Variants in MARK2 observed in about 807,000 individuals in gnomAD.
MARK2 encodes the protein serine/threonine-protein kinase MARK2.
MARK2 carries 16 observed loss-of-function variants against 89.8 expected under a neutral mutation model. The observed-to-expected ratio is 0.18, with a 90% confidence interval of 0.12 to 0.27. The LOEUF is 0.27. Among genes scored for constraint, MARK2 ranks in the 10% least tolerant of loss-of-function variants. The probability of loss-of-function intolerance (pLI) is 1.00; values close to 1 mark genes in which losing one functional copy is unlikely to be tolerated. For synonymous variants in MARK2, 382 were observed against 399.5 expected (o/e 0.96, Z 0.52); for missense variants, 621 against 1,049.9 (o/e 0.59, Z 5.65).
intron 1 of MARK2, among the ~76,000 whole-genome samples, chr11:63,865,143 C>T (rs535483663): frequency 2.0e-5 from 3 of 152,164 alleles, no homozygotes; most frequent in Non-Finnish European, 2.9e-5. Context: ...TACCTGCCTT[C>T]GCCTCCCAGA....
chr11:63,866,317 ACT>A (rs1255306820), intron 1 of MARK2, among the ~76,000 whole-genome samples: 1 of 147,716 alleles, frequency 6.8e-6, no homozygotes, highest in Non-Finnish European at 1.5e-5. Context: ...GTGCCACTTT[ACT>A]CCAGCCTGGG....
intron 1 of MARK2, among the ~76,000 whole-genome samples, chr11:63,861,924 C>T (rs11231622): frequency 0.6 from 58,355 of 97,308 alleles, 18,485 homozygotes; most frequent in East Asian, 0.92. Context: ...TTCTTTCTTT[C>T]TTTTTTTTTT....
At chr11:63,854,828 A>AGT (rs1565099208) in intron 1 of MARK2, among the ~76,000 whole-genome samples, 1 of 148,354 alleles carries the variant, frequency 6.7e-6, no homozygotes, top group Admixed American at 6.8e-5. Context: ...AAAAAAAAAA[A>AGT]AAAGGGTATT....
At chr11:63,845,184 G>A (rs1263598856) in intron 1 of MARK2, among the ~76,000 whole-genome samples, 1 of 152,162 alleles carries the variant, frequency 6.6e-6, no homozygotes, top group African/African-American at 2.4e-5. Flanking sequence ...ACCAGGACAA[G>A]CCCCTATTCC....
intron 18 of MARK2, among the ~76,000 whole-genome samples, 155 bp downstream of exon 18, chr11:63,908,459 T>C (rs1941525105): frequency 6.6e-6 from 1 of 152,138 alleles, no homozygotes; most frequent in Non-Finnish European, 1.5e-5. Context: ...AGTTTCCCCT[T>C]CCCAAACCCA....
chr11:63,863,918 C>T (rs1033562763), intron 1 of MARK2, among the ~76,000 whole-genome samples: 9 of 152,040 alleles, frequency 5.9e-5, no homozygotes, highest in African/African-American at 1.7e-4. Context: ...CTAATAGGCA[C>T]GTCCCACTAC....
At chr11:63,880,551 A>G (rs1590616790) in intron 1 of MARK2, among the ~76,000 whole-genome samples, 1 of 152,230 alleles carries the variant, frequency 6.6e-6, no homozygotes, top group East Asian at 1.9e-4. Flanking sequence ...TCATTGTCAC[A>G]GCAAGACACA....
At chr11:63,890,622 C>A (rs534780580) in intron 1 of MARK2, among the ~76,000 whole-genome samples, 2 of 152,312 alleles carry the variant, frequency 1.3e-5, no homozygotes, top group Admixed American at 6.5e-5. Context: ...CAACCTGGCC[C>A]CTTCTGCGGA....
At chr11:63,870,575 C>G (rs1032745305) in intron 1 of MARK2, among the ~76,000 whole-genome samples, 13 of 152,080 alleles carry the variant, frequency 8.5e-5, no homozygotes, top group African/African-American at 3.1e-4. Flanking sequence ...TGGCTGGGCA[C>G]TGAAGACACG....
intron 1 of MARK2, among the ~76,000 whole-genome samples, chr11:63,873,889 C>T (rs987661343): frequency 3.3e-5 from 5 of 152,214 alleles, no homozygotes; most frequent in East Asian, 1.9e-4. Context: ...TCAGGTGATC[C>T]GCCTGCCTCG....
In MARK2 at chr11:63,908,878, C is replaced by T; in HGVS notation, c.2008C>T (p.Pro670Ser). Residue 670 changes from proline to serine, a missense_variant and splice_region_variant, in exon 19 of 19, where the codon CCT becomes TCT. Transcript: ENST00000402010. ...ESKDRVETLR[P>S]HVVGSGGNDK... ...CGCCCGCCTCTGCCCTCTCCACAGA[C>T]CTCACGTGGTGGGCAGTGGCGGCAA... 1 of 1,505,310 alleles carries T rather than the reference C, an allele frequency of 6.6e-7. No homozygotes were observed. The highest frequency in any genetic ancestry group is 1.3e-5 in the South Asian group (1 of 74,736). The allele number at this position is 1,505,310 out of a possible 1,614,324, so 93.2% of individuals were successfully genotyped here.
At chr11:63,893,536 T>C (rs1412227545) in intron 1 of MARK2, among the ~76,000 whole-genome samples, 2 of 152,000 alleles carry the variant, frequency 1.3e-5, no homozygotes, top group Non-Finnish European at 2.9e-5. Flanking sequence ...TTTGTGGATT[T>C]CTGTTTTCAT....
intron 1 of MARK2, among the ~76,000 whole-genome samples, chr11:63,861,098 GC>G (rs746241848): frequency 2.8e-4 from 42 of 152,238 alleles, no homozygotes; most frequent in Middle Eastern, 3.4e-3. Context: ...AACTTAATGT[GC>G]TATTTTCTCT....
At chr11:63,901,759 T>C (rs1377839961) in intron 11 of MARK2, among the ~76,000 whole-genome samples, 2 of 151,164 alleles carry the variant, frequency 1.3e-5, no homozygotes, top group African/African-American at 4.9e-5. Flanking sequence ...TCTGGAGACT[T>C]TGTGATTGTT....
intron 1 of MARK2, among the ~76,000 whole-genome samples, chr11:63,854,385 T>G (rs2016736883): frequency 1.3e-5 from 2 of 148,940 alleles, no homozygotes; most frequent in Admixed American, 6.7e-5. Context: ...TTTGTTTTTT[T>G]TTTTTTTTTT....
intron 1 of MARK2, among the ~76,000 whole-genome samples, chr11:63,862,509 C>A (rs868064923): frequency 6.6e-6 from 1 of 152,152 alleles, no homozygotes; most frequent in Non-Finnish European, 1.5e-5. Context: ...CCAGTTGTTT[C>A]TTTTGTCCTT....
chr11:63,859,923 T>C (rs1473116343), intron 1 of MARK2, among the ~76,000 whole-genome samples: 1 of 152,086 alleles, frequency 6.6e-6, no homozygotes, highest in Non-Finnish European at 1.5e-5. Context: ...AGCCACCACA[T>C]CCGGCCTCTA....
intron 1 of MARK2, among the ~76,000 whole-genome samples, chr11:63,844,437 T>G (rs2016177712): frequency 6.6e-6 from 1 of 152,204 alleles, no homozygotes; most frequent in African/African-American, 2.4e-5. Flanking sequence ...TGAGCTGTGT[T>G]TGTGCCACTG....
In MARK2 at chr11:63,871,291, G is replaced by A. The variant is rs551718340; in HGVS notation, c.55-23868G>A. Among the ~76,000 whole-genome samples, 4 of 152,208 alleles carry A rather than the reference G, an allele frequency of 2.6e-5. No homozygotes were observed. In the South Asian group the frequency reaches 8.3e-4, roughly 31 times the overall value. On this transcript the variant is annotated intron_variant, in intron 1 of 18. Transcript: ENST00000402010. ...GAGTAAGAGGGAGTGCTTTCACTGTGTGCAGGTGTGGCTAAAGAGTATTCA... is the reference window on the plus strand; with the variant it reads ...GAGTAAGAGGGAGTGCTTTCACTGTATGCAGGTGTGGCTAAAGAGTATTCA...
Sources: allele counts gnomAD v4.1 joint callset (sites outside exome capture counted in the v4.1 genomes callset), GRCh38; gene constraint gnomAD v4.1.1; transcripts MANE v1.5; gene names NCBI Gene and HGNC (gene_info 2026-07-23, HGNC 2026-07-21).